Variants in CSMD1 observed in about 807,000 individuals in gnomAD.
CSMD1 encodes CUB and Sushi multiple domains 1, also known as CUB and sushi domain-containing protein 1.
In CSMD1, 213 loss-of-function variants were observed where a neutral mutation model predicts 417.5. The ratio of observed to expected loss-of-function variants is 0.51; its 90% CI spans 0.46 to 0.57. CSMD1 has a LOEUF of 0.57. Ranked by LOEUF, CSMD1 falls within the 20% of genes least tolerant of loss-of-function variation. The pLI is 0.00. For missense variants in CSMD1, 6,923 were observed against 4,529.7 expected (o/e 1.53, Z -15.17); for synonymous variants, 2,862 against 1,736.8 (o/e 1.65, Z -16.11).
chr8:3,564,827 T>C (rs1799630038), intron 10 of CSMD1, among the ~76,000 whole-genome samples: 3 of 151,382 alleles, frequency 2.0e-5, no homozygotes, highest in Admixed American at 6.6e-5. Context: ...AAAACCAAAC[T>C]CAGTTTATGA....
At chr8:3,147,450 T>G (rs1257928873) in intron 40 of CSMD1, among the ~76,000 whole-genome samples, 11 of 152,222 alleles carry the variant, frequency 7.2e-5, no homozygotes, top group African/African-American at 9.6e-5. Context: ...AAACGCTTCC[T>G]GAAGGAGTCT....
intron 8 of CSMD1, among the ~76,000 whole-genome samples, chr8:3,614,304 C>G (rs1802032544): frequency 6.6e-6 from 1 of 152,042 alleles, no homozygotes; most frequent in Non-Finnish European, 1.5e-5. Flanking sequence ...TATATTCTTT[C>G]CCTGACGGGC....
At chr8:4,284,112 A>C (rs1004268071) in intron 3 of CSMD1, among the ~76,000 whole-genome samples, 1 of 152,174 alleles carries the variant, frequency 6.6e-6, no homozygotes, top group Non-Finnish European at 1.5e-5. Flanking sequence ...TCACACCTGT[A>C]ATCCTAGCAT....
chr8:4,888,011 C>T (rs560267654), intron 1 of CSMD1, among the ~76,000 whole-genome samples: 32 of 152,166 alleles, frequency 2.1e-4, no homozygotes, highest in African/African-American at 7.5e-4. Flanking sequence ...GCCTCTCTCT[C>T]TTTCCCTTCC....
At chr8:4,429,145 T>C (rs1264046219) in intron 2 of CSMD1, among the ~76,000 whole-genome samples, 1 of 150,976 alleles carries the variant, frequency 6.6e-6, no homozygotes. Flanking sequence ...TGATATATAA[T>C]TGGATTATTA....
chr8:4,908,272 T>C (rs1367773946), intron 1 of CSMD1, among the ~76,000 whole-genome samples: 5 of 152,200 alleles, frequency 3.3e-5, no homozygotes. Context: ...CCTTCCTGAA[T>C]TCTTTCAAGG....
intron 1 of CSMD1, among the ~76,000 whole-genome samples, chr8:4,927,774 A>T (rs1199767309): frequency 6.6e-6 from 1 of 152,148 alleles, no homozygotes; most frequent in Admixed American, 6.5e-5. Flanking sequence ...ATTTGCTCAG[A>T]CTGAAACCTT....
At chr8:3,175,658 T>C (rs1192483509) in intron 37 of CSMD1, among the ~76,000 whole-genome samples, 1 of 143,358 alleles carries the variant, frequency 7.0e-6, no homozygotes, top group Non-Finnish European at 1.5e-5. Flanking sequence ...CCGTTCCCTC[T>C]GCATAGGCTT....
intron 18 of CSMD1, among the ~76,000 whole-genome samples, chr8:3,383,352 C>A (rs924459460): frequency 1.1e-4 from 16 of 151,924 alleles, no homozygotes; most frequent in African/African-American, 3.9e-4. Flanking sequence ...TTACTCTGAA[C>A]GGAGGGAAGC....
At chr8:4,510,389 C>CAAAAAAAAAAAAAAAAAA (rs1563243981) in intron 2 of CSMD1, among the ~76,000 whole-genome samples, 2 of 10,960 alleles carry the variant, frequency 1.8e-4, no homozygotes, top group African/African-American at 8.3e-4. Context: ...AGCATAATGC[C>CAAAAAAAAAAAAAAAAAA]TAAAAAAAAA....
intron 1 of CSMD1, among the ~76,000 whole-genome samples, chr8:4,690,646 T>A (rs1163364602): frequency 6.6e-6 from 1 of 152,224 alleles, no homozygotes; most frequent in African/African-American, 2.4e-5. Flanking sequence ...ACAATCCTTT[T>A]GTGAAATAAT....
At chr8:3,729,956 A>C (rs1167762835) in intron 6 of CSMD1, among the ~76,000 whole-genome samples, 135 of 12,142 alleles carry the variant, frequency 0.011, 17 homozygotes, top group African/African-American at 0.017. Flanking sequence ...AAAAAAAAAA[A>C]AAAAACAAAA....
chr8:3,686,174 A>C (rs1304202073), intron 7 of CSMD1, among the ~76,000 whole-genome samples: 3 of 152,142 alleles, frequency 2.0e-5, no homozygotes, highest in Non-Finnish European at 4.4e-5. Flanking sequence ...TCTTATTTGA[A>C]ATTAAGCTTG....
chr8:4,132,312 G>T (rs1009192749), intron 3 of CSMD1, among the ~76,000 whole-genome samples: 1 of 151,122 alleles, frequency 6.6e-6, no homozygotes, highest in African/African-American at 2.4e-5. Context: ...AACTCAGACT[G>T]AGCAAGACAC....
intron 29 of CSMD1, 138 bp downstream of exon 29, chr8:3,219,117 T>C (rs944353247): frequency 1.4e-5 from 9 of 632,998 alleles, no homozygotes; most frequent in African/African-American, 5.7e-5. Context: ...GGAGGAGACA[T>C]GTATCTTCCC....
chr8:3,332,837 C>G (rs1388066054), intron 23 of CSMD1, among the ~76,000 whole-genome samples: 1 of 152,210 alleles, frequency 6.6e-6, no homozygotes, highest in Non-Finnish European at 1.5e-5. Context: ...TGATTCTTCT[C>G]CTTCCTTGAG....
At chr8:3,286,725 C>T (rs936270047) in intron 25 of CSMD1, among the ~76,000 whole-genome samples, 4 of 151,730 alleles carry the variant, frequency 2.6e-5, no homozygotes, top group African/African-American at 9.7e-5. Flanking sequence ...GGTTATTAGC[C>T]CTTTGTCAGA....
At chr8:3,919,568 G>A (rs1363694095) in intron 5 of CSMD1, among the ~76,000 whole-genome samples, 2 of 152,182 alleles carry the variant, frequency 1.3e-5, no homozygotes, top group African/African-American at 2.4e-5. Context: ...CAGGACATGT[G>A]ATGCCTTCAG....
At chr8:4,356,299 T>A (rs1432804965) in intron 3 of CSMD1, among the ~76,000 whole-genome samples, 1 of 151,288 alleles carries the variant, frequency 6.6e-6, no homozygotes, top group Non-Finnish European at 1.5e-5. Flanking sequence ...TCATTCCTTA[T>A]TATGGCTAAG....
Sources: gnomAD v4.1 joint callset for allele counts (sites outside exome capture counted in the v4.1 genomes callset) on GRCh38, gnomAD v4.1.1 for gene constraint, MANE v1.5 for transcripts, NCBI Gene and HGNC (gene_info 2026-07-23, HGNC 2026-07-21) for gene names.